Variants in BAZ2B observed in about 807,000 individuals in gnomAD.
BAZ2B encodes the protein bromodomain adjacent to zinc finger domain 2B, also known as bromodomain adjacent to zinc finger domain protein 2B.
BAZ2B carries 91 observed loss-of-function variants against 246.0 expected under a neutral mutation model. The observed-to-expected ratio is 0.37, with a 90% confidence interval of 0.31 to 0.44. BAZ2B has a LOEUF of 0.44. Among genes scored for constraint, BAZ2B ranks in the 20% least tolerant of loss-of-function variants. The pLI, the probability that BAZ2B is intolerant of heterozygous loss-of-function variation, is 1.00. For synonymous variants in BAZ2B, 855 were observed against 860.0 expected (o/e 0.99, Z 0.10); for missense variants, 2,332 against 2,533.7 (o/e 0.92, Z 1.71).
At chr2:159,540,113 A>T (rs2086483768) in intron 2 of BAZ2B, among the ~76,000 whole-genome samples, 1 of 152,264 alleles carries the variant, frequency 6.6e-6, no homozygotes, top group Non-Finnish European at 1.5e-5. Flanking sequence ...TAATGACAGA[A>T]GAAACTTCAT....
chr2:159,561,253 G>A (rs925957382), intron 1 of BAZ2B, among the ~76,000 whole-genome samples: 1 of 152,106 alleles, frequency 6.6e-6, no homozygotes, highest in Non-Finnish European at 1.5e-5. Flanking sequence ...TCAAAGACTT[G>A]ATTGGTTCTC....
intron 1 of BAZ2B, among the ~76,000 whole-genome samples, chr2:159,592,248 G>A (rs145371589): frequency 2.3e-4 from 35 of 152,196 alleles, no homozygotes; most frequent in East Asian, 1.2e-3. Context: ...AGTTTCTTCC[G>A]TAGATTTACT....
Position 159,319,545 on chromosome 2 carries a change from AACAAG to A in BAZ2B, c.*715_*719del, listed in dbSNP as rs2062462177. On this transcript the variant is annotated 3_prime_UTR_variant, in exon 37 of 37. Transcript: ENST00000392783. This position sits in a 1 kb window ranked among gnomAD's most constrained non-coding sequence, Gnocchi z 4.0. ...ATATATACACATAATACATATTTAA[AACAAG>A]ACTTAATATAAACAAGAATGAACAG... 2 of 152,754 alleles carry A rather than the reference AACAAG, an allele frequency of 1.3e-5. No individual in the cohort carries two copies. The highest frequency in any genetic ancestry group is 3.9e-4 in the East Asian group (2 of 5,192). The allele number at this position is 152,754 out of a possible 1,614,324, so 9.5% of individuals were successfully genotyped here. A position where few individuals can be genotyped will look rare whatever the true frequency, so the allele number is the denominator to read the frequency against.
At chr2:159,588,785 A>G (rs1482394601) in intron 1 of BAZ2B, among the ~76,000 whole-genome samples, 7 of 152,220 alleles carry the variant, frequency 4.6e-5, no homozygotes, top group Non-Finnish European at 7.3e-5. Flanking sequence ...CAAATAAATC[A>G]TATATTCCAT....
chr2:159,510,827 C>T (rs991564413), intron 2 of BAZ2B, among the ~76,000 whole-genome samples: 1 of 152,108 alleles, frequency 6.6e-6, no homozygotes, highest in Admixed American at 6.5e-5. Context: ...ATTCCAATGA[C>T]CGCTCTCTTA....
At chr2:159,610,577 GCTC>G (rs147763270) in intron 1 of BAZ2B, among the ~76,000 whole-genome samples, 1,947 of 152,224 alleles carry the variant, frequency 0.013, 46 homozygotes, top group African/African-American at 0.044. Flanking sequence ...CAAACCAAAT[GCTC>G]CTTTTTCTTA....
chr2:159,324,448 A>C (rs968236280), intron 36 of BAZ2B, among the ~76,000 whole-genome samples: 1 of 152,150 alleles, frequency 6.6e-6, no homozygotes, highest in African/African-American at 2.4e-5. Context: ...TGGATGCAAA[A>C]TACAAATTCC....
intron 3 of BAZ2B, chr2:159,459,477 C>T (rs1245168622): frequency 6.6e-6 from 1 of 152,180 alleles, no homozygotes; most frequent in Non-Finnish European, 1.5e-5. Context: ...AATGATGTCA[C>T]TTTGTGGCTT....
chr2:159,648,857 T>A, the BAZ2B span, among the ~76,000 whole-genome samples: 1 of 152,200 alleles, frequency 6.6e-6, no homozygotes, highest in African/African-American at 2.4e-5. Flanking sequence ...CTGGATCATA[T>A]GGTAGGTATG....
chr2:159,341,879 A>C (rs1040637423), intron 31 of BAZ2B, among the ~76,000 whole-genome samples: 1 of 152,242 alleles, frequency 6.6e-6, no homozygotes, highest in Non-Finnish European at 1.5e-5. Flanking sequence ...AGTATTAAGA[A>C]GCAAGTTTAT....
the BAZ2B span, among the ~76,000 whole-genome samples, chr2:159,649,571 C>T: frequency 6.6e-6 from 1 of 152,088 alleles, no homozygotes; most frequent in African/African-American, 2.4e-5. Context: ...CAGTCCATGG[C>T]CCAGGGGTTG....
In BAZ2B at chr2:159,446,844, A is replaced by G. The variant is rs1319753268; in HGVS notation, c.634T>C (p.Cys212Arg). The G allele has an allele frequency of 6.2e-7, 1 of 1,613,214 alleles. No homozygotes were observed. Residue 212 changes from cysteine (C) to arginine (R), a missense_variant, in exon 6 of 37, where the codon TGT becomes CGT. Around this residue, in one of 9 missense-constraint regions of BAZ2B, gnomAD observed 161 missense variants for 225.8 expected, o/e 0.71. Coordinates refer to ENST00000392783, the MANE Select transcript of BAZ2B (RefSeq NM_013450.4). ...TGGTTTTTGCTTTGTTCCTGATTAC[A>G]TTTTCGATTTCCTCCACCTGAGCTT... ...STSSGGGNRKCNQEQSKNQPL... is the reference protein window; with the variant it reads ...STSSGGGNRKRNQEQSKNQPL...
chr2:159,350,953 T>G (rs2058491246), intron 27 of BAZ2B, among the ~76,000 whole-genome samples: 2 of 152,112 alleles, frequency 1.3e-5, no homozygotes, highest in Admixed American at 6.6e-5. Context: ...ATCTACCTAA[T>G]GCTAGATGAC....
chr2:159,497,128 T>C (rs2081251549), intron 2 of BAZ2B, among the ~76,000 whole-genome samples: 1 of 152,238 alleles, frequency 6.6e-6, no homozygotes, highest in African/African-American at 2.4e-5. Context: ...TCAATTACTA[T>C]AATTTTTTTA....
At chr2:159,516,859 T>A (rs1045615522) in intron 2 of BAZ2B, among the ~76,000 whole-genome samples, 2 of 152,162 alleles carry the variant, frequency 1.3e-5, no homozygotes, top group African/African-American at 4.8e-5. Flanking sequence ...ATGATAGGAA[T>A]GCTTGAAAAC....
the BAZ2B span, among the ~76,000 whole-genome samples, chr2:159,644,047 T>C: frequency 6.6e-6 from 1 of 152,164 alleles, no homozygotes; most frequent in African/African-American, 2.4e-5. Context: ...AGGTAGACAC[T>C]GCAGTTAGCT....
chr2:159,429,356 A>G (rs1391362523), intron 10 of BAZ2B, 96 bp from the exon 11 acceptor site: 7 of 678,656 alleles, frequency 1.0e-5, no homozygotes, highest in Non-Finnish European at 1.6e-5. Flanking sequence ...GTATATGTTA[A>G]TAACTTGGAT....
At chr2:159,475,164 G>A (rs1413317966) in intron 3 of BAZ2B, among the ~76,000 whole-genome samples, 5 of 152,090 alleles carry the variant, frequency 3.3e-5, no homozygotes, top group Admixed American at 6.5e-5. Context: ...ACTTGGTTCC[G>A]TTCTCTTTGT....
chr2:159,381,362 G>T (rs959559329), intron 25 of BAZ2B, among the ~76,000 whole-genome samples: 2 of 151,646 alleles, frequency 1.3e-5, no homozygotes, highest in African/African-American at 2.4e-5. Context: ...ACCTCCCCCT[G>T]CCCCCAATTA....
Sources: gnomAD v4.1 joint callset for allele counts (sites outside exome capture counted in the v4.1 genomes callset) on GRCh38, gnomAD v4.1.1 for gene constraint, gnomAD v4.1.1 regional missense constraint, Gnocchi (gnomAD v3.1) non-coding constraint, MANE v1.5 for transcripts, NCBI Gene and HGNC (gene_info 2026-07-23, HGNC 2026-07-21) for gene names.